Variants in TMTC1 observed in about 807,000 individuals in gnomAD.
TMTC1 encodes the protein protein O-mannosyl-transferase TMTC1.
TMTC1 carries 73 observed loss-of-function variants against 104.8 expected under a neutral mutation model. The ratio of observed to expected loss-of-function variants is 0.70; its 90% confidence interval spans 0.58 to 0.85. The LOEUF is 0.85. Among genes scored for constraint, TMTC1 ranks in the 40% least tolerant of loss-of-function variants. The pLI is 0.00. For synonymous variants in TMTC1, 434 were observed against 428.7 expected (o/e 1.01, Z -0.15); for missense variants, 1,035 against 1,096.1 (o/e 0.94, Z 0.79).
At position 29,741,531 on chromosome 12, in the gene TMTC1, G is replaced by T. The variant is rs531096140; in HGVS notation, c.938+10135C>A. Among the ~76,000 whole-genome samples, 195 of 152,232 alleles carry T rather than the reference G, an allele frequency of 1.3e-3. 1 individual carries two copies. The highest frequency in any genetic ancestry group is 3.4e-3 in the Middle Eastern group (1 of 294). ...CAAGATCTAGGGAACTAAAGTAATT[G>T]GCCCAAGGGACATCGCAAATCAGAA... is the stretch of plus-strand genomic sequence containing the variant. On this transcript the variant is annotated intron_variant, in intron 5 of 17. Coordinates refer to ENST00000539277, the MANE Select transcript of TMTC1 (RefSeq NM_001193451.2).
rs143538205 is a variant in TMTC1 at position 29,714,765 on chromosome 12, C to A, written c.938+36901G>T. On this transcript the variant is annotated intron_variant, in intron 5 of 17. Coordinates refer to ENST00000539277, the MANE Select transcript of TMTC1 (RefSeq NM_001193451.2). The stretch of plus-strand genomic sequence containing the variant: ...AAGTCAAAATTCAAATTAGCAAATG[C>A]TGGGCATGATATGTCCCTGGCTCAG... Among the ~76,000 whole-genome samples the A allele has an allele frequency of 1.4e-3, 213 of 152,294 alleles. 2 individuals carry two copies. The highest frequency in any genetic ancestry group is 4.6e-3 in the African/African-American group (192 of 41,566).
At chr12:29,640,053 G>A (rs551717184) in intron 5 of TMTC1, among the ~76,000 whole-genome samples, 3 of 152,274 alleles carry the variant, frequency 2.0e-5, no homozygotes, top group South Asian at 4.1e-4. Flanking sequence ...TTCCGGGGCC[G>A]AGACCCATCA....
chr12:29,571,491 T>G (rs1945675585), intron 9 of TMTC1, among the ~76,000 whole-genome samples: 1 of 151,968 alleles, frequency 6.6e-6, no homozygotes, highest in Non-Finnish European at 1.5e-5. Context: ...GAACTTAAAT[T>G]TTTAGTTTCT....
chr12:29,554,663 G>A (rs1400328215), intron 10 of TMTC1, among the ~76,000 whole-genome samples: 1 of 152,122 alleles, frequency 6.6e-6, no homozygotes, highest in Non-Finnish European at 1.5e-5. Context: ...TAGCCCAGGA[G>A]TTTGAGACCG....
chr12:29,511,688 G>A (rs548271515), intron 17 of TMTC1, among the ~76,000 whole-genome samples: 2 of 152,274 alleles, frequency 1.3e-5, no homozygotes, highest in South Asian at 4.1e-4. Flanking sequence ...AAACTGGGAA[G>A]AAATTAAGCT....
At chr12:29,511,724 C>T (rs999437341) in intron 17 of TMTC1, among the ~76,000 whole-genome samples, 8 of 152,100 alleles carry the variant, frequency 5.3e-5, no homozygotes, top group East Asian at 1.9e-4. Context: ...GCTTGAACAA[C>T]GATTTAGTTC....
chr12:29,688,296 G>T (rs1236143052), intron 5 of TMTC1, among the ~76,000 whole-genome samples: 1 of 152,140 alleles, frequency 6.6e-6, no homozygotes, highest in Non-Finnish European at 1.5e-5. Flanking sequence ...ACTACAGAAT[G>T]ATTTATATCT....
chr12:29,602,236 G>A (rs958217408), intron 7 of TMTC1, among the ~76,000 whole-genome samples: 5 of 152,052 alleles, frequency 3.3e-5, no homozygotes, highest in East Asian at 1.9e-4. Flanking sequence ...TCAACCTTCC[G>A]GGCTCAAGAG....
intron 11 of TMTC1, 80 bp from the exon 12 acceptor site, chr12:29,520,800 AG>A (rs1944129363): frequency 8.7e-7 from 1 of 1,145,542 alleles, no homozygotes; most frequent in Admixed American, 2.3e-5. Context: ...GAGCAGGAAA[AG>A]CAAAAAAAAA....
intron 5 of TMTC1, among the ~76,000 whole-genome samples, chr12:29,706,480 A>G (rs775868608): frequency 1.3e-5 from 2 of 152,192 alleles, no homozygotes; most frequent in Admixed American, 6.5e-5. Context: ...CTCCTGAATG[A>G]GCCACAATGC....
intron 6 of TMTC1, among the ~76,000 whole-genome samples, chr12:29,625,795 G>A (rs985567676): frequency 3.9e-5 from 6 of 152,090 alleles, no homozygotes; most frequent in Admixed American, 6.6e-5. Context: ...GACAGCCTGT[G>A]GGGAATCACC....
intron 5 of TMTC1, among the ~76,000 whole-genome samples, chr12:29,671,902 G>C (rs1386706701): frequency 6.6e-6 from 1 of 152,190 alleles, no homozygotes; most frequent in East Asian, 1.9e-4. Context: ...GGGGCCAAGG[G>C]GAGAGGTGCC....
At chr12:29,671,512 T>G (rs1261099475) in intron 5 of TMTC1, among the ~76,000 whole-genome samples, 4 of 152,132 alleles carry the variant, frequency 2.6e-5, no homozygotes, top group Non-Finnish European at 5.9e-5. Flanking sequence ...ATGTATTGAG[T>G]GCATACTGTG....
rs1159134629 is a variant in TMTC1 at position 29,516,721 on chromosome 12, A to G, written c.2170-235T>C. ...AGTGGCAGAAACACTAAATATATCCAGTGAAATGGCTTGTGGCTTTTAAAA... is the reference window on the plus strand; with the variant it reads ...AGTGGCAGAAACACTAAATATATCCGGTGAAATGGCTTGTGGCTTTTAAAA... On this transcript the variant is annotated intron_variant, in intron 14 of 17. Transcript: ENST00000539277. Among the ~76,000 whole-genome samples the G allele has an allele frequency of 3.8e-4, 58 of 152,202 alleles. 1 individual carries two copies. The highest frequency in any genetic ancestry group is 3.8e-3 in the Admixed American group (58 of 15,272).
At chr12:29,634,931 C>A (rs1294946885) in intron 5 of TMTC1, among the ~76,000 whole-genome samples, 1 of 152,198 alleles carries the variant, frequency 6.6e-6, no homozygotes, top group Non-Finnish European at 1.5e-5. Context: ...CTCCCCTCCT[C>A]TGTTACTCTT....
At chr12:29,720,256 C>T (rs754556210) in intron 5 of TMTC1, among the ~76,000 whole-genome samples, 3 of 152,198 alleles carry the variant, frequency 2.0e-5, no homozygotes, top group Non-Finnish European at 4.4e-5. Context: ...TTACAATTCT[C>T]CAAGCTAGAT....
intron 5 of TMTC1, among the ~76,000 whole-genome samples, chr12:29,669,389 C>T (rs987263601): frequency 2.0e-5 from 3 of 152,120 alleles, no homozygotes; most frequent in Non-Finnish European, 4.4e-5. Context: ...AAGGGCTTAA[C>T]ACAGAGAGAT....
intron 5 of TMTC1, among the ~76,000 whole-genome samples, chr12:29,708,460 C>T (rs1415551310): frequency 6.6e-6 from 1 of 152,206 alleles, no homozygotes; most frequent in Non-Finnish European, 1.5e-5. Flanking sequence ...ATCCAAAACA[C>T]TAGCTCTTAA....
rs1293898775 is a variant in TMTC1 at position 29,527,438 on chromosome 12, T to C, written c.1786-6718A>G. The stretch of plus-strand genomic sequence containing the variant: ...TAGCTGTGGGAGGAGAAGCACAAGG[T>C]ATGTGGGGGGCAGCCAAGAGTGGCA... On this transcript the variant is annotated intron_variant, in intron 11 of 17. Transcript: ENST00000539277. Among the ~76,000 whole-genome samples the C allele has an allele frequency of 5.3e-5, 8 of 152,240 alleles. No individual in the cohort carries two copies. In the East Asian group the frequency reaches 9.7e-4, roughly 18 times the overall value.
Sources: allele counts gnomAD v4.1 joint callset (sites outside exome capture counted in the v4.1 genomes callset), GRCh38; gene constraint gnomAD v4.1.1; transcripts MANE v1.5; gene names NCBI Gene and HGNC (gene_info 2026-07-23, HGNC 2026-07-21).